SMAP2: variants seen among roughly 807,000 people sequenced by gnomAD.
The protein encoded by SMAP2 is small ArfGAP2.
In SMAP2, 25 loss-of-function variants were observed where a neutral mutation model predicts 56.4. The ratio of observed to expected loss-of-function variants is 0.44; its 90% CI spans 0.32 to 0.62. SMAP2 has a LOEUF of 0.62. Among genes scored for constraint, SMAP2 ranks in the 20% least tolerant of loss-of-function variants. The probability of loss-of-function intolerance (pLI) is 0.04; values close to 1 mark genes in which losing one functional copy is unlikely to be tolerated. For missense variants in SMAP2, 388 were observed against 545.6 expected, an observed-to-expected ratio of 0.71 and a Z score of 2.88; for synonymous variants, 157 against 181.7, an observed-to-expected ratio of 0.86 and a Z score of 1.09.
chr1:40,394,351 G>C (rs914020573), intron 1 of SMAP2, among the ~76,000 whole-genome samples: 2 of 152,044 alleles, frequency 1.3e-5, no homozygotes, highest in Admixed American at 6.6e-5. Flanking sequence ...GAAAACTTAC[G>C]GGGATCCACT....
chr1:40,361,177 C>A lies in SMAP2; in HGVS notation c.-82-1123C>A, dbSNP rs575021858. On this transcript the variant is annotated intron_variant, in intron 1 of 6. Transcript: ENST00000435168. ...AGCCACAGTAGGATAGGGCACCAGG[C>A]AGAGTCCTGAGGCCCCTATTCCAGG... is the stretch of plus-strand genomic sequence containing the variant. Among the ~76,000 whole-genome samples, 5 of 152,324 alleles carry A rather than the reference C, an allele frequency of 3.3e-5. No individual in the cohort carries two copies. In the South Asian group the frequency reaches 1.0e-3, roughly 32 times the overall value.
intron 9 of SMAP2, among the ~76,000 whole-genome samples, chr1:40,418,565 G>C (rs982926976): frequency 1.3e-5 from 2 of 152,132 alleles, no homozygotes; most frequent in African/African-American, 4.8e-5. Flanking sequence ...AATTGACCCA[G>C]AACAGTCAAC....
At chr1:40,413,890 G>A (rs539284016) in intron 5 of SMAP2, 196 of 377,494 alleles carry the variant, frequency 5.2e-4, no homozygotes, top group African/African-American at 3.6e-3. Context: ...CCCCTGTTCT[G>A]TGGTTGTCTT....
chr1:40,416,812 C>G lies in SMAP2; in HGVS notation c.880C>G (p.Pro294Ala), dbSNP rs368915144. Residue 294 changes from proline (P) to alanine (A), a missense_variant, in exon 9 of 10, where the codon CCC (proline) becomes GCC (alanine). Transcript: ENST00000372718. ...MFMAPAQMAY[P>A]TAYPSFPGVT... ...CATGGCTCCCGCTCAGATGGCATAT[C>G]CCACAGCCTACCCCAGCTTCCCCGG... 5.0e-6 allele frequency: 8 copies of G among 1,607,906 alleles called. No individual in the cohort carries two copies. Among genetic ancestry groups the G allele is most frequent in the Non-Finnish European group, 6.8e-6 (8 of 1,174,818 alleles).
intron 1 of SMAP2, chr1:40,393,471 G>A (rs1052412134): frequency 2.6e-6 from 4 of 1,535,016 alleles, no homozygotes; most frequent in African/African-American, 1.4e-5. Context: ...GCAAATAGAG[G>A]AAATAGGCCC....
chr1:40,399,322 T>A (rs6669099), intron 1 of SMAP2, among the ~76,000 whole-genome samples: 8 of 128,536 alleles, frequency 6.2e-5, no homozygotes, highest in African/African-American at 8.5e-5. Context: ...TTTTTTTTTT[T>A]TTTTTTTTTG....
At chr1:40,371,378 T>C (rs1644495629), upstream of SMAP2, among the ~76,000 whole-genome samples, 1 of 152,156 alleles carries the variant, frequency 6.6e-6, no homozygotes, top group Non-Finnish European at 1.5e-5. Flanking sequence ...CTATTAGTAA[T>C]GATAATAAAA....
At chr1:40,379,069 T>A (rs1243349457) in intron 1 of SMAP2, among the ~76,000 whole-genome samples, 1 of 151,448 alleles carries the variant, frequency 6.6e-6, no homozygotes, top group South Asian at 2.1e-4. Context: ...AACCTCTCCC[T>A]CCTGGGTTCA....
intron 1 of SMAP2, among the ~76,000 whole-genome samples, chr1:40,361,527 G>A (rs907645850): frequency 2.6e-5 from 4 of 152,034 alleles, no homozygotes; most frequent in Non-Finnish European, 5.9e-5. Context: ...GTGGGCCCTT[G>A]AGGTCCCCAA....
chr1:40,350,492 G>C (rs2124156735), intron 1 of SMAP2, among the ~76,000 whole-genome samples: 1 of 152,308 alleles, frequency 6.6e-6, no homozygotes, highest in Non-Finnish European at 1.5e-5. Context: ...GCAACGATGG[G>C]TGACCCATCT....
chr1:40,347,247 T>G (rs1313020009), intron 1 of SMAP2, among the ~76,000 whole-genome samples: 4 of 66,836 alleles, frequency 6.0e-5, no homozygotes, highest in Admixed American at 3.5e-4. Flanking sequence ...TGTGTTTTGT[T>G]TTTGTTTTTT....
chr1:40,406,110 G>A (rs1044142842), intron 1 of SMAP2, among the ~76,000 whole-genome samples: 6 of 152,120 alleles, frequency 3.9e-5, no homozygotes, highest in African/African-American at 1.2e-4. Flanking sequence ...TAGGAAAACC[G>A]AATACAGGCC....
chr1:40,399,691 G>A (rs1644811352), intron 1 of SMAP2, among the ~76,000 whole-genome samples: 1 of 107,714 alleles, frequency 9.3e-6, no homozygotes, highest in African/African-American at 3.9e-5. Context: ...GAGAGAGTAA[G>A]ACCCTGTCTC....
intron 6 of SMAP2, 57 bp downstream of exon 6, chr1:40,414,297 G>T: frequency 6.6e-7 from 1 of 1,517,032 alleles, no homozygotes; most frequent in South Asian, 1.1e-5. Flanking sequence ...AATTCTCAGT[G>T]ACCCTGGAAG....
chr1:40,386,676 G>C lies in SMAP2; in HGVS notation c.103+12453G>C, dbSNP rs142655926. Among the ~76,000 whole-genome samples, 95 of 151,214 alleles carry C rather than the reference G, an allele frequency of 6.3e-4. No individual in the cohort carries two copies. The highest frequency in any genetic ancestry group is 2.2e-3 in the African/African-American group (91 of 40,568). Reference sequence around the variant, plus strand: ...AGACCAGTTGTTTTCTGTCTTGTGGGATTTTAGGAGCTGGGGAGATAGGAG... The same window carrying C: ...AGACCAGTTGTTTTCTGTCTTGTGGCATTTTAGGAGCTGGGGAGATAGGAG... On this transcript the variant is annotated intron_variant, in intron 1 of 9. Coordinates refer to ENST00000372718, the MANE Select transcript of SMAP2 (RefSeq NM_022733.3). This position sits in a 1 kb window ranked among gnomAD's most constrained non-coding sequence, Gnocchi z 4.1.
intron 1 of SMAP2, among the ~76,000 whole-genome samples, chr1:40,354,245 T>A (rs1644422543): frequency 6.6e-6 from 1 of 152,102 alleles, no homozygotes; most frequent in Non-Finnish European, 1.5e-5. Context: ...TGACTTCAAA[T>A]GGAATAAAGA....
intron 1 of SMAP2, among the ~76,000 whole-genome samples, chr1:40,353,803 G>T (rs975772220): frequency 2.6e-5 from 4 of 151,432 alleles, no homozygotes; most frequent in Admixed American, 1.3e-4. Flanking sequence ...GTTGGCCAGG[G>T]TGGTCTTGAA....
chr1:40,412,361 CT>C (rs1232006116), intron 4 of SMAP2, among the ~76,000 whole-genome samples: 3 of 152,140 alleles, frequency 2.0e-5, no homozygotes, highest in African/African-American at 7.2e-5. Context: ...ATAGAAAGAT[CT>C]TTCTCCCTGC....
At chr1:40,421,084 TG>T (rs1171896667) in intron 9 of SMAP2, among the ~76,000 whole-genome samples, 1 of 151,614 alleles carries the variant, frequency 6.6e-6, no homozygotes, top group African/African-American at 2.4e-5. Flanking sequence ...ATCAAAAAAA[TG>T]TAAGTTTTTT....
Sources: allele counts gnomAD v4.1 joint callset (sites outside exome capture counted in the v4.1 genomes callset), GRCh38; gene constraint gnomAD v4.1.1; non-coding constraint Gnocchi (gnomAD v3.1); transcripts MANE v1.5; gene names NCBI Gene and HGNC (gene_info 2026-07-23, HGNC 2026-07-21).